KPNA4: variants seen among roughly 807,000 people sequenced by gnomAD.
KPNA4 encodes karyopherin subunit alpha 4.
KPNA4 carries 13 observed loss-of-function variants against 71.3 expected under a neutral mutation model. The observed-to-expected ratio is 0.18, with a 90% CI of 0.12 to 0.29. The LOEUF is 0.29. KPNA4 is among the 10% of genes least tolerant of loss of function. The pLI is 1.00. For synonymous variants in KPNA4, 189 were observed against 195.2 expected (o/e 0.97, Z 0.26); for missense variants, 334 against 603.2 (o/e 0.55, Z 4.67).
At chr3:160,505,307 A>G (rs1368284392) in intron 15 of KPNA4, among the ~76,000 whole-genome samples, 1 of 152,220 alleles carries the variant, frequency 6.6e-6, no homozygotes, top group Non-Finnish European at 1.5e-5. Flanking sequence ...GTAATGAGAC[A>G]TCTGCCTATT....
chr3:160,543,402 G>A (rs756284720), intron 1 of KPNA4, among the ~76,000 whole-genome samples: 2 of 151,120 alleles, frequency 1.3e-5, no homozygotes, highest in Admixed American at 6.6e-5. Context: ...GTGCAGTGGC[G>A]CGACCTCAGC....
chr3:160,497,501 CA>C lies in KPNA4; in HGVS notation c.*4602del, dbSNP rs1720790109. On this transcript the variant is annotated 3_prime_UTR_variant, in exon 17 of 17. Transcript: ENST00000334256. The stretch of plus-strand genomic sequence containing the variant: ...GCAGCAACTTTTAAAAATTATTGTA[CA>C]TATATATTTAAAAGCATACTTTATT... 1 of 152,128 alleles carries C rather than the reference CA, an allele frequency of 6.6e-6. No homozygotes were observed. Among genetic ancestry groups the C allele is most frequent in the South Asian group, 2.1e-4 (1 of 4,830 alleles). 9.4% of individuals were successfully genotyped at this position (152,128 alleles called of 1,614,324 possible). A position where few individuals can be genotyped will look rare whatever the true frequency, so the allele number is the denominator to read the frequency against.
rs773881402 is a variant in KPNA4 at position 160,514,059 on chromosome 3, A to G, written c.1137+18T>C. On this transcript the variant is annotated intron_variant, in intron 13 of 16. Transcript: ENST00000334256. ...CCCTTACATCAGATAAATGATACAT[A>G]TAACATGATTTTCTTACCTTATCCA... is the stretch of plus-strand genomic sequence containing the variant. 19 of 1,416,484 alleles carry G rather than the reference A, an allele frequency of 1.3e-5. No homozygotes were observed. The highest frequency in any genetic ancestry group is 1.3e-4 in the South Asian group (10 of 75,946). 87.7% of individuals were successfully genotyped at this position (1,416,484 alleles called of 1,614,324 possible).
chr3:160,546,854 T>C (rs565812648), intron 1 of KPNA4, among the ~76,000 whole-genome samples: 73 of 152,312 alleles, frequency 4.8e-4, no homozygotes, highest in African/African-American at 1.6e-3. Context: ...CTGAACTGAA[T>C]AAGTTACAAA....
In KPNA4 at chr3:160,495,834, A is replaced by G. The variant is rs934742075; in HGVS notation, c.*6270T>C. 1.3e-5 allele frequency: 2 copies of G among 151,982 alleles called. No individual in the cohort carries two copies. The highest frequency in any genetic ancestry group is 2.4e-5 in the African/African-American group (1 of 41,350). 9.4% of individuals were successfully genotyped at this position (151,982 alleles called of 1,614,324 possible). ...AGCTGAACAGGACAACCCTGAAAAG[A>G]CAAGAATTATGGTAATACCAAAGTG... is the stretch of plus-strand genomic sequence containing the variant. On this transcript the variant is annotated 3_prime_UTR_variant, in exon 17 of 17. Coordinates refer to ENST00000334256, the MANE Select transcript of KPNA4 (RefSeq NM_002268.5).
chr3:160,542,846 G>A (rs1721828550), intron 1 of KPNA4, among the ~76,000 whole-genome samples: 1 of 152,134 alleles, frequency 6.6e-6, no homozygotes, highest in Non-Finnish European at 1.5e-5. Context: ...AATAATTCTA[G>A]TCTATAGATT....
intron 1 of KPNA4, among the ~76,000 whole-genome samples, chr3:160,563,393 G>C (rs1202761983): frequency 6.6e-6 from 1 of 152,208 alleles, no homozygotes; most frequent in Non-Finnish European, 1.5e-5. Flanking sequence ...GAATTGGAGA[G>C]TGACTGTTAA....
At chr3:160,532,679 T>C (rs1041884639) in intron 5 of KPNA4, among the ~76,000 whole-genome samples, 1 of 152,238 alleles carries the variant, frequency 6.6e-6, no homozygotes, top group African/African-American at 2.4e-5. Flanking sequence ...ATAAAAGCAA[T>C]GTTTATGAAA....
Position 160,496,434 on chromosome 3 carries a change from G to C in KPNA4, c.*5670C>G, listed in dbSNP as rs1047944453. 6.6e-6 allele frequency: 1 copy of C among 152,102 alleles called. No individual in the cohort carries two copies. The allele number at this position is 152,102 out of a possible 1,614,324, so 9.4% of individuals were successfully genotyped here. ...GCATGTAGATTTAAGCAGATTACGA[G>C]TCATTTTAAACAGCTGTTTCAAAGT... On this transcript the variant is annotated 3_prime_UTR_variant, in exon 17 of 17. Transcript: ENST00000334256.
In KPNA4 at chr3:160,497,449, A is replaced by G. The variant is rs1472160366; in HGVS notation, c.*4655T>C. On this transcript the variant is annotated 3_prime_UTR_variant, in exon 17 of 17. Transcript: ENST00000334256. ...ATAGAAGACTGCACTAATGCCACCA[A>G]CGTGCATATTGATTTGAAGGCATCT... 1 of 152,166 alleles carries G rather than the reference A, an allele frequency of 6.6e-6. No homozygotes were observed. Among genetic ancestry groups the G allele is most frequent in the Non-Finnish European group, 1.5e-5 (1 of 68,016 alleles). The allele number at this position is 152,166 out of a possible 1,614,324, so 9.4% of individuals were successfully genotyped here. A position where few individuals can be genotyped will look rare whatever the true frequency, so the allele number is the denominator to read the frequency against.
intron 11 of KPNA4, among the ~76,000 whole-genome samples, 193 bp from the exon 12 acceptor site, chr3:160,515,773 T>C (rs541229508): frequency 6.6e-6 from 1 of 152,078 alleles, no homozygotes; most frequent in Non-Finnish European, 1.5e-5. Context: ...CACGACCCTG[T>C]CCGGCTAATT....
intron 10 of KPNA4, among the ~76,000 whole-genome samples, chr3:160,522,138 T>C (rs1338105152): frequency 6.6e-6 from 1 of 152,212 alleles, no homozygotes; most frequent in Non-Finnish European, 1.5e-5. Flanking sequence ...CCCAGATTAG[T>C]ATCCAATCTT....
chr3:160,544,904 T>G (rs1480999819), intron 1 of KPNA4, among the ~76,000 whole-genome samples: 1 of 152,200 alleles, frequency 6.6e-6, no homozygotes, highest in East Asian at 1.9e-4. Flanking sequence ...CTCAAACTCA[T>G]GGTTTTCTTA....
intron 5 of KPNA4, among the ~76,000 whole-genome samples, chr3:160,533,580 A>G (rs1721615081): frequency 6.6e-6 from 1 of 152,174 alleles, no homozygotes; most frequent in Admixed American, 6.5e-5. Context: ...TAGAAGAGAA[A>G]TGTCTTTTAT....
intron 5 of KPNA4, 42 bp downstream of exon 5, chr3:160,535,467 CTGTG>C: frequency 2.8e-6 from 4 of 1,438,702 alleles, no homozygotes; most frequent in Non-Finnish European, 3.9e-6. Flanking sequence ...AATAGAACCC[CTGTG>C]TAAGTTGTAA....
chr3:160,505,528 T>G (rs1368801158), intron 15 of KPNA4, among the ~76,000 whole-genome samples: 1 of 152,168 alleles, frequency 6.6e-6, no homozygotes. Context: ...ACACAGTATT[T>G]CAGGGGAAAA....
chr3:160,502,037 T>C lies in KPNA4; in HGVS notation c.*67A>G. 2.2e-6 allele frequency: 1 copy of C among 461,342 alleles called. No homozygotes were observed. Among genetic ancestry groups the C allele is most frequent in the Non-Finnish European group, 3.8e-6 (1 of 265,402 alleles). 28.6% of individuals were successfully genotyped at this position (461,342 alleles called of 1,614,324 possible). A position where few individuals can be genotyped will look rare whatever the true frequency, so the allele number is the denominator to read the frequency against. ...TTATATATATGTATATATATATATA[T>C]ATACACACACACATATATATATATA... On this transcript the variant is annotated 3_prime_UTR_variant, in exon 17 of 17. Transcript: ENST00000334256.
intron 1 of KPNA4, among the ~76,000 whole-genome samples, chr3:160,562,449 A>T (rs1257201694): frequency 6.6e-6 from 1 of 152,216 alleles, no homozygotes; most frequent in Non-Finnish European, 1.5e-5. Context: ...GACATTATGT[A>T]ACACAATGTA....
intron 1 of KPNA4, among the ~76,000 whole-genome samples, chr3:160,546,298 A>G (rs189665087): frequency 2.2e-3 from 329 of 152,292 alleles, no homozygotes; most frequent in African/African-American, 7.7e-3. Flanking sequence ...CGGGTGGATC[A>G]CTTGAGGTCA....
Sources: allele counts gnomAD v4.1 joint callset (sites outside exome capture counted in the v4.1 genomes callset), GRCh38; gene constraint gnomAD v4.1.1; transcripts MANE v1.5; gene names NCBI Gene and HGNC (gene_info 2026-07-23, HGNC 2026-07-21).